The following CAMSAP1 variants were observed in gnomAD, a reference collection of about 807,000 sequenced individuals.
The protein encoded by CAMSAP1 is calmodulin regulated spectrin associated protein 1.
A neutral mutation model predicts 143.5 loss-of-function variants in CAMSAP1; 58 were observed. That is an observed-to-expected ratio of 0.40 (90% CI 0.33 to 0.50). The LOEUF is 0.50. Ranked by LOEUF, CAMSAP1 falls within the 20% of genes least tolerant of loss-of-function variation. The probability of loss-of-function intolerance (pLI) is 0.45; values close to 1 mark genes in which losing one functional copy is unlikely to be tolerated. For missense variants in CAMSAP1, 1,969 were observed against 2,115.7 expected, an observed-to-expected ratio of 0.93 and a Z score of 1.36; for synonymous variants, 945 against 859.3, an observed-to-expected ratio of 1.10 and a Z score of -1.74.
chr9:135,823,348 C>CA, intron 10 of CAMSAP1, 88 bp from the exon 11 acceptor site: 1 of 1,413,898 alleles, frequency 7.1e-7, no homozygotes, highest in Non-Finnish European at 9.4e-7. Context: ...GCCGGCCACA[C>CA]AAAGAGAATA....
chr9:135,890,407 C>T (rs1588507461), intron 1 of CAMSAP1, among the ~76,000 whole-genome samples: 1 of 152,250 alleles, frequency 6.6e-6, no homozygotes, highest in East Asian at 1.9e-4. Flanking sequence ...TCCAGAGAAC[C>T]CGTCCCTCTT....
intron 1 of CAMSAP1, among the ~76,000 whole-genome samples, chr9:135,902,935 A>G (rs1039614268): frequency 6.6e-6 from 1 of 152,204 alleles, no homozygotes; most frequent in Middle Eastern, 3.2e-3. Context: ...TGCAAGCAAA[A>G]GGAAAACCTG....
At chr9:135,850,519 GAGA>G in intron 5 of CAMSAP1, 58 bp from the exon 6 acceptor site, 1 of 1,383,636 alleles carries the variant, frequency 7.2e-7, no homozygotes, top group East Asian at 2.3e-5. Flanking sequence ...TCGAGAGAGA[GAGA>G]AGCATTCTAA....
At chr9:135,906,943 T>TC in intron 1 of CAMSAP1, 57 bp downstream of exon 1, 1 of 896,172 alleles carries the variant, frequency 1.1e-6, no homozygotes, top group South Asian at 5.0e-5. Flanking sequence ...CCCGGCCGCG[T>TC]CCCCCGGCCC....
chr9:135,852,816 A>T (rs1345907463), intron 5 of CAMSAP1, among the ~76,000 whole-genome samples: 1 of 152,200 alleles, frequency 6.6e-6, no homozygotes, highest in Non-Finnish European at 1.5e-5. Context: ...GCAACAAAAT[A>T]AATAATGAAA....
Position 135,826,099 on chromosome 9 carries a change from G to C in CAMSAP1, c.1224-1219C>G, listed in dbSNP as rs1389551380. On this transcript the variant is annotated intron_variant, in intron 8 of 16. Coordinates refer to ENST00000389532, the MANE Select transcript of CAMSAP1 (RefSeq NM_015447.4). This position sits in a 1 kb window ranked among gnomAD's most constrained non-coding sequence, Gnocchi z 4.4. The stretch of plus-strand genomic sequence containing the variant: ...AGCTGTTGAAACTGTGGCAGACGAG[G>C]ATGCACCGAGTGGGAAAATTCTCAC... 6.6e-6 allele frequency: 1 copy of C among 152,244 alleles called. No homozygotes were observed. Among genetic ancestry groups the C allele is most frequent in the African/African-American group, 2.4e-5 (1 of 41,418 alleles). 9.4% of individuals were successfully genotyped at this position (152,244 alleles called of 1,614,324 possible).
intron 3 of CAMSAP1, among the ~76,000 whole-genome samples, chr9:135,871,704 A>G (rs1446660396): frequency 6.6e-6 from 1 of 152,062 alleles, no homozygotes; most frequent in African/African-American, 2.4e-5. Flanking sequence ...CAAGGCAGGA[A>G]GCTCGCTTGA....
Position 135,882,729 on chromosome 9 carries a change from T to C in CAMSAP1, c.423+87A>G. 3 of 1,460,116 alleles carry C rather than the reference T, an allele frequency of 2.1e-6. No individual in the cohort carries two copies. Among genetic ancestry groups the C allele is most frequent in the South Asian group, 2.7e-5 (2 of 74,834 alleles). The allele number at this position is 1,460,116 out of a possible 1,614,324, so 90.4% of individuals were successfully genotyped here. ...TCCACCACCTCGCCGCACACCGTGT[T>C]CACACCATCCATGCACCAGGTGCGC... On this transcript the variant is annotated intron_variant, in intron 2 of 16. Coordinates refer to ENST00000389532, the MANE Select transcript of CAMSAP1 (RefSeq NM_015447.4). The surrounding 1 kb of genome is among the most constrained non-coding windows in gnomAD (Gnocchi z 4.9).
At chr9:135,815,261 G>C (rs59469847) in intron 15 of CAMSAP1, 46 bp from the exon 16 acceptor site, 2 of 1,294,862 alleles carry the variant, frequency 1.5e-6, no homozygotes, top group African/African-American at 1.5e-5. Context: ...TTTAAGGCAC[G>C]AACACACACA....
chr9:135,843,875 A>C (rs12684613), intron 7 of CAMSAP1, among the ~76,000 whole-genome samples: 3 of 72,148 alleles, frequency 4.2e-5, no homozygotes, highest in African/African-American at 2.6e-4. Flanking sequence ...CTCCGTCTCA[A>C]AAAAAAAAAA....
At chr9:135,894,490 TC>T (rs1278420728) in intron 1 of CAMSAP1, among the ~76,000 whole-genome samples, 1 of 152,146 alleles carries the variant, frequency 6.6e-6, no homozygotes. Context: ...GCGCAGAGAC[TC>T]CCATGTCCAT....
chr9:135,907,232 G>C lies in CAMSAP1; in HGVS notation c.-73C>G. The C allele has an allele frequency of 2.1e-6, 2 of 961,424 alleles. No homozygotes were observed. Among genetic ancestry groups the C allele is most frequent in the Non-Finnish European group, 2.5e-6 (2 of 801,498 alleles). 59.6% of individuals were successfully genotyped at this position (961,424 alleles called of 1,614,324 possible). A position where few individuals can be genotyped will look rare whatever the true frequency, so the allele number is the denominator to read the frequency against. ...GCCGCCCCTCGCCGCGCCGGGCCCGGTGCGCCCCGAGCCACCACTCGGCCC... is the reference window on the plus strand; with the variant it reads ...GCCGCCCCTCGCCGCGCCGGGCCCGCTGCGCCCCGAGCCACCACTCGGCCC... On this transcript the variant is annotated 5_prime_UTR_variant, in exon 1 of 17. Coordinates refer to ENST00000389532, the MANE Select transcript of CAMSAP1 (RefSeq NM_015447.4).
chr9:135,818,234 G>T lies in CAMSAP1; in HGVS notation c.4169-155C>A. ...GGGGAGCCGGGCTGCGCCTGGATGT[G>T]CCGCACATCTCAGAGCATCTGGTCT... On this transcript the variant is annotated intron_variant, in intron 13 of 16. Transcript: ENST00000389532. This position sits in a 1 kb window ranked among gnomAD's most constrained non-coding sequence, Gnocchi z 7.7. The T allele has an allele frequency of 1.8e-6, 2 of 1,105,094 alleles. No homozygotes were observed. The highest frequency in any genetic ancestry group is 2.6e-6 in the Non-Finnish European group (2 of 780,088). 68.5% of individuals were successfully genotyped at this position (1,105,094 alleles called of 1,614,324 possible). A position where few individuals can be genotyped will look rare whatever the true frequency, so the allele number is the denominator to read the frequency against.
At chr9:135,845,269 C>T (rs1394033547) in intron 7 of CAMSAP1, among the ~76,000 whole-genome samples, 1 of 152,172 alleles carries the variant, frequency 6.6e-6, no homozygotes, top group East Asian at 1.9e-4. Context: ...CAAAAAACCA[C>T]ATGATTATCT....
chr9:135,812,695 G>A (rs535633504), intron 16 of CAMSAP1, among the ~76,000 whole-genome samples: 23 of 152,340 alleles, frequency 1.5e-4, no homozygotes, highest in African/African-American at 5.3e-4. Context: ...TGGGCCGGGC[G>A]CTGTGGCTCA....
At position 135,900,681 on chromosome 9, in the gene CAMSAP1, C is replaced by T. The variant is rs900675327; in HGVS notation, c.160+6319G>A. On this transcript the variant is annotated intron_variant, in intron 1 of 16. Coordinates refer to ENST00000389532, the MANE Select transcript of CAMSAP1 (RefSeq NM_015447.4). ...CTGCACTCCAGCCTGGGCGACAGAG[C>T]GAGATTCCGTCTCAAAAAAAAGAAA... is the stretch of plus-strand genomic sequence containing the variant. 8.6e-5 allele frequency among the ~76,000 whole-genome samples: 13 copies of T among 151,664 alleles called. No homozygotes were observed. The South Asian group carries it at 2.1e-3, about 24-fold the overall frequency.
chr9:135,873,489 T>A (rs1837632500), intron 3 of CAMSAP1, among the ~76,000 whole-genome samples: 1 of 151,734 alleles, frequency 6.6e-6, no homozygotes, highest in East Asian at 1.9e-4. Flanking sequence ...ATAGAGAAAA[T>A]AAAAACTAAA....
intron 7 of CAMSAP1, among the ~76,000 whole-genome samples, chr9:135,835,239 G>A (rs1401671109): frequency 2.0e-5 from 3 of 152,054 alleles, no homozygotes; most frequent in East Asian, 1.9e-4. Context: ...GACCCCTCCC[G>A]CCCCCACACA....
intron 11 of CAMSAP1, among the ~76,000 whole-genome samples, chr9:135,819,813 C>G (rs1193418040): frequency 6.6e-6 from 1 of 151,722 alleles, no homozygotes; most frequent in African/African-American, 2.4e-5. Context: ...TGCCCTTTTA[C>G]TCCAGCCTGG....
Sources: allele counts gnomAD v4.1 joint callset (sites outside exome capture counted in the v4.1 genomes callset), GRCh38; gene constraint gnomAD v4.1.1; non-coding constraint Gnocchi (gnomAD v3.1); transcripts MANE v1.5; gene names NCBI Gene and HGNC (gene_info 2026-07-23, HGNC 2026-07-21).